The following POU2AF2 variants were observed in gnomAD, a reference collection of about 807,000 sequenced individuals.
The protein encoded by POU2AF2 is POU class 2 homeobox associating factor 2.
chr11:111,252,309 G>A, the POU2AF2 span, among the ~76,000 whole-genome samples: 1 of 152,148 alleles, frequency 6.6e-6, no homozygotes, highest in Admixed American at 6.5e-5. Flanking sequence ...CAACGTCAGA[G>A]AGCATCAGAA....
the POU2AF2 span, among the ~76,000 whole-genome samples, chr11:111,268,142 C>T: frequency 1.3e-5 from 2 of 152,176 alleles, no homozygotes; most frequent in Non-Finnish European, 2.9e-5. Context: ...TCACAGCCTC[C>T]ACAACCATCA....
chr11:111,285,738 G>A, the POU2AF2 span: 1 of 1,613,432 alleles, frequency 6.2e-7, no homozygotes, highest in Non-Finnish European at 8.5e-7. Flanking sequence ...TTGCCACCCA[G>A]CACGAGTTGC....
the POU2AF2 span, among the ~76,000 whole-genome samples, chr11:111,285,323 G>A: frequency 6.1e-4 from 93 of 152,316 alleles, no homozygotes; most frequent in African/African-American, 1.7e-3. Flanking sequence ...ACTAATGGGA[G>A]ACTCAAAAAG....
At chr11:111,269,163 G>A in the POU2AF2 span, among the ~76,000 whole-genome samples, 4 of 151,150 alleles carry the variant, frequency 2.6e-5, no homozygotes, top group South Asian at 2.1e-4. Flanking sequence ...TTGTTAACAC[G>A]GCCAGCTAAC....
At chr11:111,250,719 G>T in the POU2AF2 span, among the ~76,000 whole-genome samples, 2 of 152,188 alleles carry the variant, frequency 1.3e-5, no homozygotes, top group Non-Finnish European at 1.5e-5. Flanking sequence ...TTTCTGGGGA[G>T]GATGCAACTT....
At chr11:111,279,807 C>T in the POU2AF2 span, among the ~76,000 whole-genome samples, 7 of 151,690 alleles carry the variant, frequency 4.6e-5, no homozygotes, top group African/African-American at 1.7e-4. Flanking sequence ...TTTGGGAGGC[C>T]GAAACAGGTA....
chr11:111,284,821 C>T, the POU2AF2 span, among the ~76,000 whole-genome samples: 1 of 152,114 alleles, frequency 6.6e-6, no homozygotes, highest in Non-Finnish European at 1.5e-5. Flanking sequence ...AAGTCCCCTG[C>T]CTCCCCTTCC....
At chr11:111,282,799 C>T in the POU2AF2 span, among the ~76,000 whole-genome samples, 3 of 152,276 alleles carry the variant, frequency 2.0e-5, no homozygotes, top group South Asian at 2.1e-4. Flanking sequence ...GACCTATGAC[C>T]TAAGGGTGTT....
the POU2AF2 span, among the ~76,000 whole-genome samples, chr11:111,273,593 T>A: frequency 6.6e-6 from 1 of 152,238 alleles, no homozygotes; most frequent in Non-Finnish European, 1.5e-5. Context: ...TCAATTTGAA[T>A]TAAGAAATAA....
At chr11:111,267,057 C>T in the POU2AF2 span, among the ~76,000 whole-genome samples, 1 of 152,208 alleles carries the variant, frequency 6.6e-6, no homozygotes, top group African/African-American at 2.4e-5. Flanking sequence ...ATCAGCCCCA[C>T]AGTGTGCCTG....
At chr11:111,276,953 C>A in the POU2AF2 span, among the ~76,000 whole-genome samples, 2 of 152,138 alleles carry the variant, frequency 1.3e-5, no homozygotes, top group East Asian at 3.9e-4. Flanking sequence ...AAGGAATAAG[C>A]AAAGCAAATG....
the POU2AF2 span, chr11:111,285,513 G>C: frequency 1.3e-6 from 1 of 796,550 alleles, no homozygotes; most frequent in South Asian, 2.1e-5. Flanking sequence ...AAGCCGGAGA[G>C]AAGAGCAGCC....
the POU2AF2 span, among the ~76,000 whole-genome samples, chr11:111,261,802 C>T: frequency 1.3e-5 from 2 of 152,122 alleles, 1 homozygote. Context: ...CATGAAAATT[C>T]CTTCAAGTTA....
At chr11:111,284,982 G>A in the POU2AF2 span, among the ~76,000 whole-genome samples, 1 of 152,192 alleles carries the variant, frequency 6.6e-6, no homozygotes, top group Non-Finnish European at 1.5e-5. Flanking sequence ...TTAGACAAAA[G>A]GGAGAGGATG....
At chr11:111,272,189 T>A in the POU2AF2 span, among the ~76,000 whole-genome samples, 2 of 152,216 alleles carry the variant, frequency 1.3e-5, no homozygotes, top group African/African-American at 4.8e-5. Context: ...TTTCCTTTTA[T>A]CTAGCCTTCA....
the POU2AF2 span, among the ~76,000 whole-genome samples, chr11:111,264,845 G>T: frequency 7.5e-6 from 1 of 133,738 alleles, no homozygotes; most frequent in Non-Finnish European, 1.6e-5. Context: ...GAGGAAGGAA[G>T]GAAGGAAAAG....
the POU2AF2 span, chr11:111,286,220 C>A: frequency 1.5e-6 from 1 of 683,920 alleles, no homozygotes; most frequent in Non-Finnish European, 2.3e-6. Flanking sequence ...ACTGTAACCC[C>A]ACTGAAATAA....
At chr11:111,276,453 A>AAAAAAAAAATATATAT in the POU2AF2 span, among the ~76,000 whole-genome samples, 26 of 37,604 alleles carry the variant, frequency 6.9e-4, no homozygotes, top group Admixed American at 4.7e-3. Context: ...AAAAAAAAAA[A>AAAAAAAAAATATATAT]ATATATATAT....
chr11:111,248,127 C>A, the POU2AF2 span, among the ~76,000 whole-genome samples: 1 of 151,970 alleles, frequency 6.6e-6, no homozygotes, highest in Non-Finnish European at 1.5e-5. Flanking sequence ...ACCTTGTGAT[C>A]CGTGTGGCCT....
Sources: gnomAD v4.1 joint callset for allele counts (sites outside exome capture counted in the v4.1 genomes callset) on GRCh38, gnomAD v4.1.1 for gene constraint, MANE v1.5 for transcripts, NCBI Gene and HGNC (gene_info 2026-07-23, HGNC 2026-07-21) for gene names.